The following IL12B variants were observed in gnomAD, a reference collection of about 807,000 sequenced individuals.
The protein encoded by IL12B is interleukin 12B.
A neutral mutation model predicts 39.2 loss-of-function variants in IL12B; 27 were observed. The ratio of observed to expected loss-of-function variants is 0.69; its 90% CI spans 0.51 to 0.95. The LOEUF (loss-of-function observed/expected upper bound fraction) is 0.95. Among genes scored for constraint, IL12B ranks in the 40% least tolerant of loss-of-function variants. IL12B has a pLI of 0.00. For missense variants in IL12B, 351 were observed against 397.6 expected (o/e 0.88, Z 1.00); for synonymous variants, 142 against 152.1 (o/e 0.93, Z 0.49).
intron 2 of IL12B, 139 bp from the exon 3 acceptor site, chr5:159,323,468 G>A (rs1754135526): frequency 1.2e-6 from 1 of 811,140 alleles, no homozygotes; most frequent in African/African-American, 1.7e-5. Flanking sequence ...TTGCTGAGAT[G>A]ATCTCAAGGC....
chr5:159,323,063 C>T lies in IL12B; in HGVS notation c.355G>A (p.Asp119Asn), dbSNP rs748791854. Residue 119 changes from aspartate (D) to asparagine (N), a missense_variant, in exon 3 of 8, where the codon GAC becomes AAC. Transcript: ENST00000231228. The stretch of plus-strand genomic sequence containing the variant: ...AAGGGTATAGAATTACCTTTCTGGT[C>T]CTTTAAAATATCAGTGGACCAAATT... ...DGIWSTDILK[D>N]QKEPKNKTFL... is the part of the protein sequence containing the mutation. The T allele has an allele frequency of 5.0e-6, 8 of 1,613,940 alleles. No homozygotes were observed. Among genetic ancestry groups the T allele is most frequent in the South Asian group, 1.1e-5 (1 of 91,066 alleles).
At chr5:159,322,181 A>G in intron 4 of IL12B, among the ~76,000 whole-genome samples, 1 of 152,190 alleles carries the variant, frequency 6.6e-6, no homozygotes, top group East Asian at 1.9e-4. Context: ...GTTCCCAATA[A>G]TATCCTGCCC....
Position 159,322,262 on chromosome 5 carries a change from C to T in IL12B, c.482+132G>A, listed in dbSNP as rs1013425483. 23 of 752,046 alleles carry T rather than the reference C, an allele frequency of 3.1e-5. No individual in the cohort carries two copies. The East Asian group carries it at 3.5e-4, about 11-fold the overall frequency. The allele number at this position is 752,046 out of a possible 1,614,324, so 46.6% of individuals were successfully genotyped here. A position where few individuals can be genotyped will look rare whatever the true frequency, so the allele number is the denominator to read the frequency against. On this transcript the variant is annotated intron_variant, in intron 4 of 7. Coordinates refer to ENST00000231228, the MANE Select transcript of IL12B (RefSeq NM_002187.3). ...TTTCTTCAATGTAGACAAGGAAGGG[C>T]GGTTGAAAAAACACGGGTTTGACTT... is the stretch of plus-strand genomic sequence containing the variant.
chr5:159,328,794 C>T (rs1397195030), intron 1 of IL12B, among the ~76,000 whole-genome samples: 2 of 152,196 alleles, frequency 1.3e-5, no homozygotes, highest in African/African-American at 4.8e-5. Flanking sequence ...CTCAGGTGAA[C>T]TGCACTTCAG....
rs1183474762 is a variant in IL12B at position 159,316,746 on chromosome 5, C to T, written c.926G>A (p.Arg309Gln). ...ICRKNASISV[R>Q]AQDRYYSSSW... ...TGAGCTATAGTAGCGGTCCTGGGCC[C>T]GCACGCTAATGCTGGCATTTTTGCG... is the stretch of plus-strand genomic sequence containing the variant. The change falls in exon 7 of 8, where the codon CGG becomes CAG. Residue 309 changes from arginine (R) to glutamine (Q), a missense_variant. Physicochemically the swap from Arg to Gln is conservative, Grantham distance 43. Transcript: ENST00000231228. 1.2e-5 allele frequency: 20 copies of T among 1,613,978 alleles called. No homozygotes were observed. The highest frequency in any genetic ancestry group is 2.2e-5 in the East Asian group (1 of 44,894).
rs149273360 is a variant in IL12B, at chr5:159,320,361, G to A, written c.642C>T (p.Ala214=). ...ESLPIEVMVD[A]VHKLKYENYT... ...AGTTTTCATACTTGAGCTTGTGAAC[G>A]GCATCCACCATGACCTCAATGGGCA... The change falls in exon 5 of 8, where the codon GCC becomes GCT. Residue 214 remains alanine, a synonymous_variant. Transcript: ENST00000231228. 9.0e-5 allele frequency: 145 copies of A among 1,614,020 alleles called. No individual in the cohort carries two copies. In the Middle Eastern group the frequency reaches 1.5e-3, roughly 17 times the overall value.
chr5:159,326,626 A>T, intron 2 of IL12B, 69 bp downstream of exon 2: 1 of 1,121,880 alleles, frequency 8.9e-7, no homozygotes, highest in Non-Finnish European at 1.4e-6. Flanking sequence ...TTGATTTCCC[A>T]CCAGTGGCTG....
chr5:159,320,101 T>A (rs1006693965), intron 5 of IL12B, among the ~76,000 whole-genome samples: 1 of 152,210 alleles, frequency 6.6e-6, no homozygotes, highest in Non-Finnish European at 1.5e-5. Flanking sequence ...ATCTGAGATC[T>A]GGGGCAAGTT....
At position 159,318,872 on chromosome 5, in the gene IL12B, T is replaced by C. The variant is rs745818512; in HGVS notation, c.719A>G (p.Asn240Ser). The change falls in exon 6 of 8, where the codon AAC (asparagine) becomes AGC (serine). Residue 240 changes from asparagine (N) to serine (S), a missense_variant. By Grantham distance (46) the Asn-to-Ser change is conservative (BLOSUM62 1). Transcript: ENST00000231228. ...ATTCTTTAATGGCTTCAGCTGCAAG[T>C]TCTTGGGTGGGTCAGGTTTGACTGT... is the stretch of plus-strand genomic sequence containing the variant. ...RDIIKPDPPK[N>S]LQLKPLKNSR... The C allele has an allele frequency of 2.5e-6, 4 of 1,613,954 alleles. No individual in the cohort carries two copies. Among genetic ancestry groups the C allele is most frequent in the Non-Finnish European group, 3.4e-6 (4 of 1,180,006 alleles).
At chr5:159,316,661 G>A in intron 7 of IL12B, 24 bp downstream of exon 7, 1 of 1,605,582 alleles carries the variant, frequency 6.2e-7, no homozygotes, top group Non-Finnish European at 8.5e-7. Context: ...GCAGGCCTGG[G>A]CTGGCCTTTG....
intron 2 of IL12B, among the ~76,000 whole-genome samples, chr5:159,324,229 G>C (rs1333251638): frequency 1.3e-5 from 2 of 152,156 alleles, no homozygotes; most frequent in South Asian, 4.1e-4. Flanking sequence ...CAAGTCAGAA[G>C]TACAAGGGCT....
Position 159,316,943 on chromosome 5 carries a change from A to G in IL12B, c.856-127T>C. On this transcript the variant is annotated intron_variant, in intron 6 of 7. Coordinates refer to ENST00000231228, the MANE Select transcript of IL12B (RefSeq NM_002187.3). ...TTGGTCTTAGGGCACTGTGCTTGCA[A>G]TTCACAGGGGTGTGCATAGAACTTG... 3.0e-6 allele frequency: 3 copies of G among 1,014,398 alleles called. No individual in the cohort carries two copies. In the South Asian group the frequency reaches 3.9e-5, roughly 13 times the overall value. 62.8% of individuals were successfully genotyped at this position (1,014,398 alleles called of 1,614,324 possible). A position where few individuals can be genotyped will look rare whatever the true frequency, so the allele number is the denominator to read the frequency against.
intron 6 of IL12B, chr5:159,318,310 A>G (rs1451595392): frequency 4.5e-6 from 1 of 220,912 alleles, no homozygotes; most frequent in Non-Finnish European, 9.1e-6. Context: ...AAGTGCTAAG[A>G]AAAGTAATTA....
intron 5 of IL12B, 24 bp downstream of exon 5, chr5:159,320,282 C>T (rs943164532): frequency 6.3e-7 from 1 of 1,584,322 alleles, no homozygotes; most frequent in South Asian, 1.1e-5. Context: ...CCTTATGGAG[C>T]ACATATAATC....
At chr5:159,319,291 G>C (rs1754044889) in intron 5 of IL12B, among the ~76,000 whole-genome samples, 1 of 152,188 alleles carries the variant, frequency 6.6e-6, no homozygotes, top group South Asian at 2.1e-4. Context: ...GCCTCTCCCT[G>C]GGGATGAGAT....
chr5:159,321,059 G>GTGGA (rs1166205740), intron 4 of IL12B, among the ~76,000 whole-genome samples: 2 of 151,300 alleles, frequency 1.3e-5, no homozygotes, highest in Admixed American at 6.6e-5. Flanking sequence ...GAGTGAAGTG[G>GTGGA]TGGAATCAGA....
chr5:159,323,017 A>G (rs1242157753), intron 3 of IL12B, 37 bp downstream of exon 3: 1 of 1,604,264 alleles, frequency 6.2e-7, no homozygotes, highest in Non-Finnish European at 8.5e-7. Context: ...TTATGAGCGA[A>G]AGAGAAAATT....
Position 159,320,301 on chromosome 5 carries a change from C to T in IL12B, c.697+5G>A, listed in dbSNP as rs2113025865. ...ATGGAGCACATATAATCATCCAAAA[C>T]TCACTGATGTCCCTGATGAAGAAGC... On this transcript the variant is annotated splice_donor_5th_base_variant and intron_variant, in intron 5 of 7. Transcript: ENST00000231228. The T allele has an allele frequency of 6.2e-7, 1 of 1,613,118 alleles. No individual in the cohort carries two copies. The highest frequency in any genetic ancestry group is 1.1e-5 in the South Asian group (1 of 91,054).
chr5:159,325,872 T>C (rs1754179768), intron 2 of IL12B, among the ~76,000 whole-genome samples: 1 of 152,180 alleles, frequency 6.6e-6, no homozygotes, highest in African/African-American at 2.4e-5. Context: ...GTCTTTCAGG[T>C]ACAGCCAACG....
Sources: allele counts gnomAD v4.1 joint callset (sites outside exome capture counted in the v4.1 genomes callset), GRCh38; gene constraint gnomAD v4.1.1; transcripts MANE v1.5; gene names NCBI Gene and HGNC (gene_info 2026-07-23, HGNC 2026-07-21).